The following TMX2 variants were observed in gnomAD, a reference collection of about 807,000 sequenced individuals.
TMX2 encodes the protein thioredoxin related transmembrane protein 2.
A neutral mutation model predicts 33.4 loss-of-function variants in TMX2; 20 were observed. That is an observed-to-expected ratio of 0.60 (90% confidence interval 0.42 to 0.87). TMX2 has a LOEUF of 0.87. Ranked by LOEUF, TMX2 falls within the 40% of genes least tolerant of loss-of-function variation. TMX2 has a pLI of 0.00. For missense variants in TMX2, 340 were observed against 370.7 expected (o/e 0.92, Z 0.68); for synonymous variants, 166 against 140.7 (o/e 1.18, Z -1.27).
chr11:57,738,653 G>T lies in TMX2; in HGVS notation c.442-11G>T. On this transcript the variant is annotated splice_polypyrimidine_tract_variant and intron_variant, in intron 4 of 7. Coordinates refer to ENST00000278422, the MANE Select transcript of TMX2 (RefSeq NM_015959.4). ...TGGATCCAGCTGACTTTTCTTCCCT[G>T]TATTTGGCAGGAGGAACTAGAACGG... 6.2e-7 allele frequency: 1 copy of T among 1,612,378 alleles called. No homozygotes were observed. The highest frequency in any genetic ancestry group is 8.5e-7 in the Non-Finnish European group (1 of 1,178,792).
At chr11:57,723,630 G>A (rs188954260) in intron 1 of TMX2, among the ~76,000 whole-genome samples, 4 of 150,536 alleles carry the variant, frequency 2.7e-5, no homozygotes, top group Admixed American at 2.0e-4. Flanking sequence ...GTGAAACCCT[G>A]TCCTACTAAA....
chr11:57,737,502 C>G, intron 1 of TMX2, 106 bp from the exon 2 acceptor site: 8 of 864,458 alleles, frequency 9.3e-6, no homozygotes, highest in Non-Finnish European at 9.5e-6. Context: ...TGTTCCCATT[C>G]CCAGTTTGGA....
At chr11:57,732,684 G>A (rs1005470972) in intron 1 of TMX2, among the ~76,000 whole-genome samples, 9 of 152,072 alleles carry the variant, frequency 5.9e-5, no homozygotes, top group Non-Finnish European at 1.0e-4. Context: ...TGCTGATTGG[G>A]ACTAGGTTCT....
chr11:57,712,773 A>G lies in TMX2; in HGVS notation c.155A>G (p.Gln52Arg). ...LPPLCHGLPT[Q>R]REDGNPCDFD... ...CCGCTCTGCCACGGTCTGCCCACCCAACGCGAAGACGGTAACCCGTGTGAC... is the reference window on the plus strand; with the variant it reads ...CCGCTCTGCCACGGTCTGCCCACCCGACGCGAAGACGGTAACCCGTGTGAC... The change falls in exon 1 of 8, where the codon CAA (glutamine) becomes CGA (arginine). Residue 52 changes from glutamine (Q) to arginine (R), a missense_variant. Around this residue, in one of 3 missense-constraint regions of TMX2, gnomAD observed 106 missense variants for 82.7 expected, o/e 1.28. Coordinates refer to ENST00000278422, the MANE Select transcript of TMX2 (RefSeq NM_015959.4). The G allele has an allele frequency of 3.1e-6, 5 of 1,614,138 alleles. No homozygotes were observed. Among genetic ancestry groups the G allele is most frequent in the Admixed American group, 1.7e-5 (1 of 60,024 alleles).
At chr11:57,734,459 A>G (rs1389982477) in intron 1 of TMX2, among the ~76,000 whole-genome samples, 1 of 152,136 alleles carries the variant, frequency 6.6e-6, no homozygotes, top group African/African-American at 2.4e-5. Flanking sequence ...TTTAAAATTC[A>G]TCTTTCAGCC....
intron 1 of TMX2, among the ~76,000 whole-genome samples, chr11:57,720,014 C>T (rs916611052): frequency 6.6e-6 from 1 of 151,642 alleles, no homozygotes; most frequent in Non-Finnish European, 1.5e-5. Context: ...ACTGGTTGGG[C>T]GCGGTGGCTC....
At chr11:57,732,714 AAC>A (rs1437637703) in intron 1 of TMX2, among the ~76,000 whole-genome samples, 1 of 152,196 alleles carries the variant, frequency 6.6e-6, no homozygotes, top group Non-Finnish European at 1.5e-5. Flanking sequence ...TAGATAGCTA[AAC>A]ACAGGAAGGT....
chr11:57,719,462 C>G (rs1947428884), intron 1 of TMX2, among the ~76,000 whole-genome samples: 1 of 143,282 alleles, frequency 7.0e-6, no homozygotes, highest in Non-Finnish European at 1.5e-5. Flanking sequence ...CACTTCCTTT[C>G]TTGTTGGCAT....
intron 1 of TMX2, among the ~76,000 whole-genome samples, chr11:57,721,647 T>G (rs1183346953): frequency 6.6e-6 from 1 of 152,122 alleles, no homozygotes; most frequent in Non-Finnish European, 1.5e-5. Context: ...CCAATTTACT[T>G]AGCGACTTAA....
intron 1 of TMX2, among the ~76,000 whole-genome samples, chr11:57,719,141 T>G (rs1947395117): frequency 6.7e-6 from 1 of 149,798 alleles, no homozygotes; most frequent in Non-Finnish European, 1.5e-5. Flanking sequence ...GTTCAAGCGA[T>G]TCTCCTGCCT....
At chr11:57,732,712 T>C (rs1948473050) in intron 1 of TMX2, among the ~76,000 whole-genome samples, 1 of 152,196 alleles carries the variant, frequency 6.6e-6, no homozygotes, top group Admixed American at 6.5e-5. Flanking sequence ...TCTAGATAGC[T>C]AAACACAGGA....
At chr11:57,737,412 T>C (rs560332546) in intron 1 of TMX2, among the ~76,000 whole-genome samples, 196 bp from the exon 2 acceptor site, 1 of 152,328 alleles carries the variant, frequency 6.6e-6, no homozygotes, top group Non-Finnish European at 1.5e-5. Flanking sequence ...CCAGCAAGTT[T>C]GTGGCAGGAG....
chr11:57,725,888 T>G (rs1380882635), intron 1 of TMX2, among the ~76,000 whole-genome samples: 1 of 152,172 alleles, frequency 6.6e-6, no homozygotes, highest in East Asian at 1.9e-4. Context: ...TTCTGCTTAC[T>G]ATAAAATTAA....
chr11:57,734,157 C>CAAAAAA (rs60802364), intron 1 of TMX2, among the ~76,000 whole-genome samples: 8 of 49,764 alleles, frequency 1.6e-4, no homozygotes, highest in African/African-American at 3.0e-4. Flanking sequence ...ACCCTGTCTC[C>CAAAAAA]AAAAAAAAAA....
chr11:57,725,620 C>T (rs1947927070), intron 1 of TMX2, among the ~76,000 whole-genome samples: 1 of 152,014 alleles, frequency 6.6e-6, no homozygotes, highest in Non-Finnish European at 1.5e-5. Context: ...ACCTGTAATC[C>T]CAGCTACTTG....
chr11:57,736,340 TAAAA>T (rs71061538), intron 1 of TMX2, among the ~76,000 whole-genome samples: 3 of 145,276 alleles, frequency 2.1e-5, no homozygotes, highest in African/African-American at 5.1e-5. Flanking sequence ...GCTGATGAGC[TAAAA>T]AAAAAAAAAA....
In TMX2 at chr11:57,730,714, G is replaced by T. The variant is rs934826020; in HGVS notation, c.190-6894G>T. ...GATCGTACCATTGCACTCCAGCCTG[G>T]GCAACGAGTGAAACTGCGTCTCAAA... On this transcript the variant is annotated intron_variant, in intron 1 of 7. Transcript: ENST00000278422. 1.9e-4 allele frequency among the ~76,000 whole-genome samples: 29 copies of T among 152,264 alleles called. No individual in the cohort carries two copies. In the South Asian group the frequency reaches 2.3e-3, roughly 12 times the overall value.
intron 3 of TMX2, 77 bp downstream of exon 3, chr11:57,738,103 C>A: frequency 8.5e-7 from 1 of 1,173,042 alleles, no homozygotes; most frequent in South Asian, 1.5e-5. Flanking sequence ...AACCACAGTC[C>A]CAACAGTTGC....
chr11:57,718,620 C>A, intron 1 of TMX2: 1 of 425,070 alleles, frequency 2.4e-6, no homozygotes, highest in Non-Finnish European at 4.3e-6. Context: ...TCATTGTTTT[C>A]CTCCATTCAT....
Sources: allele counts gnomAD v4.1 joint callset (sites outside exome capture counted in the v4.1 genomes callset), GRCh38; gene constraint gnomAD v4.1.1; regional missense constraint gnomAD v4.1.1; transcripts MANE v1.5; gene names NCBI Gene and HGNC (gene_info 2026-07-23, HGNC 2026-07-21).